Variants in SPEG observed in about 807,000 individuals in gnomAD.
SPEG encodes the protein striated muscle preferentially expressed protein kinase.
A neutral mutation model predicts 300.4 loss-of-function variants in SPEG; 114 were observed. The ratio of observed to expected loss-of-function variants is 0.38; its 90% CI spans 0.33 to 0.44. The LOEUF is 0.44. SPEG is among the 20% of genes least tolerant of loss of function. SPEG has a pLI of 1.00. For missense variants in SPEG, 4,201 were observed against 4,586.2 expected, an observed-to-expected ratio of 0.92 and a Z score of 2.43; for synonymous variants, 1,964 against 2,018.9, an observed-to-expected ratio of 0.97 and a Z score of 0.73.
intron 3 of SPEG, among the ~76,000 whole-genome samples, chr2:219,447,570 ATTCCTGAGAACGCCCCTCCCCACCC>A (rs1248568510): frequency 6.6e-6 from 1 of 151,888 alleles, no homozygotes; most frequent in Non-Finnish European, 1.5e-5. Context: ...GGGTGGCTGC[ATTCCTGAGAACGCCCCTCCCCACCC>A]CACCCTCTTG....
Position 219,461,910 on chromosome 2 carries a change from C to T in SPEG, c.2469C>T (p.Pro823=), listed in dbSNP as rs1389028816. ...GGTCTACATCCCCTTTCAGCAGCCCCATCACCTCCGACGAGGAATACCTGA... is the reference window on the plus strand; with the variant it reads ...GGTCTACATCCCCTTTCAGCAGCCCTATCACCTCCGACGAGGAATACCTGA... ...PGGSTSPFSS[P]ITSDEEYLSP... Residue 823 remains proline, a synonymous_variant, in exon 7 of 41, where the codon CCC becomes CCT. Transcript: ENST00000312358. 2.5e-6 allele frequency: 4 copies of T among 1,613,868 alleles called. No individual in the cohort carries two copies. The highest frequency in any genetic ancestry group is 3.3e-5 in the Admixed American group (2 of 59,982).
At position 219,489,557 on chromosome 2, in the gene SPEG, C is replaced by G. The variant is rs1322832121; in HGVS notation, c.8539C>G (p.Arg2847Gly). The change falls in exon 36 of 41, where the codon CGA (arginine) becomes GGA (glycine). Residue 2847 changes from arginine to glycine, a missense_variant. This residue lies in a region of SPEG where 1,578 missense variants were observed against 1,506.0 expected (regional missense o/e 1.05). Transcript: ENST00000312358. Reference protein sequence around the residue: ...AVGPPPQTPPRRHRGLQAARP... With the variant: ...AVGPPPQTPPGRHRGLQAARP... Reference sequence around the variant, plus strand: ...GGGTCCACCACCCCAAACCCCTCCACGAAGACACAGGGGCCTGCAGGCTGC... The same window carrying G: ...GGGTCCACCACCCCAAACCCCTCCAGGAAGACACAGGGGCCTGCAGGCTGC... 2 of 1,613,594 alleles carry G rather than the reference C, an allele frequency of 1.2e-6. No individual in the cohort carries two copies. Among genetic ancestry groups the G allele is most frequent in the South Asian group, 1.1e-5 (1 of 91,062 alleles).
At chr2:219,465,827 A>G (rs1012894574) in intron 9 of SPEG, 8 of 591,696 alleles carry the variant, frequency 1.4e-5, no homozygotes, top group Admixed American at 1.1e-4. Context: ...GTGCGTGCGC[A>G]TGCGTGCGTG....
intron 9 of SPEG, chr2:219,465,892 TGC>T (rs1691253846): frequency 1.3e-4 from 86 of 639,742 alleles, no homozygotes; most frequent in Middle Eastern, 1.0e-3. Flanking sequence ...TGTGCATGTG[TGC>T]GTATGGGTGT....
At chr2:219,446,218 T>C (rs1689280612) in intron 3 of SPEG, among the ~76,000 whole-genome samples, 1 of 152,140 alleles carries the variant, frequency 6.6e-6, no homozygotes, top group Non-Finnish European at 1.5e-5. Flanking sequence ...CCTTACCCGG[T>C]GTTCCTGTGC....
At position 219,464,451 on chromosome 2, in the gene SPEG, C is replaced by T. The variant is rs375268036; in HGVS notation, c.2724C>T (p.Pro908=). 1.6e-5 allele frequency: 25 copies of T among 1,611,578 alleles called. No homozygotes were observed. The highest frequency in any genetic ancestry group is 2.2e-5 in the East Asian group (1 of 44,886). Residue 908 remains proline, a synonymous_variant, in exon 9 of 41, where the codon CCC becomes CCT. Coordinates refer to ENST00000312358, the MANE Select transcript of SPEG (RefSeq NM_005876.5). This position sits in a 1 kb window ranked among gnomAD's most constrained non-coding sequence, Gnocchi z 4.5. ...PVVSWLRNRQ[P]VRPDQRRFAE... ...CTGACAGGCTGAGAAACCGCCAGCC[C>T]GTGCGCCCAGACCAGCGGCGCTTTG...
intron 6 of SPEG, among the ~76,000 whole-genome samples, chr2:219,457,128 T>C (rs1331493047): frequency 6.6e-6 from 1 of 152,094 alleles, no homozygotes; most frequent in Non-Finnish European, 1.5e-5. Context: ...TTCCCTGACT[T>C]TTCCGCAGTG....
chr2:219,469,462 C>T, intron 13 of SPEG, 83 bp downstream of exon 13: 1 of 1,145,068 alleles, frequency 8.7e-7, no homozygotes, highest in Non-Finnish European at 1.3e-6. Context: ...CCCAGCTCTC[C>T]CCAGGCCTTT....
chr2:219,483,213 G>A lies in SPEG; in HGVS notation c.5750G>A (p.Gly1917Glu). The A allele has an allele frequency of 1.2e-6, 2 of 1,610,164 alleles. No individual in the cohort carries two copies. Among genetic ancestry groups the A allele is most frequent in the Non-Finnish European group, 1.7e-6 (2 of 1,179,000 alleles). ...CCCAGAAGGCCACCCCCCAGTGGGG[G>A]GCTCTCATCCTCCTCGGATTCTGAA... is the stretch of plus-strand genomic sequence containing the variant. ...TMPRRPPPSG[G>E]LSSSSDSEEE... Residue 1917 changes from glycine to glutamate, a missense_variant, in exon 30 of 41, where the codon GGG becomes GAG. By Grantham distance (98) the Gly-to-Glu change is moderately conservative. Around this residue, in one of 4 missense-constraint regions of SPEG, gnomAD observed 1,578 missense variants for 1,506.0 expected, o/e 1.05. Coordinates refer to ENST00000312358, the MANE Select transcript of SPEG (RefSeq NM_005876.5).
intron 6 of SPEG, among the ~76,000 whole-genome samples, chr2:219,454,032 G>A (rs977283357): frequency 6.6e-6 from 1 of 152,152 alleles, no homozygotes; most frequent in African/African-American, 2.4e-5. Flanking sequence ...AGAGGCCTGC[G>A]TGCAGCCACC....
intron 39 of SPEG, 121 bp downstream of exon 39, chr2:219,491,990 A>C: frequency 7.4e-7 from 1 of 1,348,642 alleles, no homozygotes; most frequent in Non-Finnish European, 1.0e-6. Context: ...CACACTGCAC[A>C]CTCACACTCA....
At chr2:219,487,495 A>G (rs1693548797) in intron 31 of SPEG, among the ~76,000 whole-genome samples, 1 of 152,252 alleles carries the variant, frequency 6.6e-6, no homozygotes, top group African/African-American at 2.4e-5. Flanking sequence ...TTTACAGATT[A>G]GAAATGGAGC....
chr2:219,434,991 G>A lies in SPEG; in HGVS notation c.14G>A (p.Arg5Gln), dbSNP rs576016632. MQKARGTRGEDAGTR... is the reference protein window; with the variant it reads MQKAQGTRGEDAGTR... ...CTCTCAGTGGCCATGCAGAAAGCCC[G>A]GGGCACGCGAGGCGAGGATGCGGGC... Residue 5 changes from arginine to glutamine, a missense_variant, in exon 1 of 41, where the codon CGG becomes CAG. By Grantham distance (43) the Arg-to-Gln change is conservative. Around this residue, in one of 4 missense-constraint regions of SPEG, gnomAD observed 1,258 missense variants for 1,293.9 expected, o/e 0.97. Transcript: ENST00000312358. The A allele has an allele frequency of 1.5e-5, 23 of 1,505,862 alleles. No individual in the cohort carries two copies. The Admixed American group carries it at 1.9e-4, about 12-fold the overall frequency. The allele number at this position is 1,505,862 out of a possible 1,614,324, so 93.3% of individuals were successfully genotyped here.
Position 219,484,291 on chromosome 2 carries a change from T to C in SPEG, c.6828T>C (p.Ala2276=), listed in dbSNP as rs979705053. 33 of 1,607,050 alleles carry C rather than the reference T, an allele frequency of 2.1e-5. No homozygotes were observed. Among genetic ancestry groups the C allele is most frequent in the Non-Finnish European group, 2.6e-5 (31 of 1,179,352 alleles). Residue 2276 remains alanine (A), a synonymous_variant, in exon 30 of 41, where the codon GCT becomes GCC. Coordinates refer to ENST00000312358, the MANE Select transcript of SPEG (RefSeq NM_005876.5). ...CGCCTTCAGAGCCCAAGCCCCACGC[T>C]GCTGTCTTTGCCAGGGTGGCCTCCC... is the stretch of plus-strand genomic sequence containing the variant. ...AAPPSEPKPH[A]AVFARVASPP... is the part of the protein sequence containing the mutation.
chr2:219,438,909 G>A (rs766812492), intron 1 of SPEG, among the ~76,000 whole-genome samples: 23 of 152,212 alleles, frequency 1.5e-4, no homozygotes, highest in Non-Finnish European at 2.6e-4. Context: ...CTGTGTTGAG[G>A]AATATTCTGC....
In SPEG at chr2:219,492,921, T is replaced by C. The variant is rs1345760996; in HGVS notation, c.*135T>C. 12 of 943,364 alleles carry C rather than the reference T, an allele frequency of 1.3e-5. No individual in the cohort carries two copies. Among genetic ancestry groups the C allele is most frequent in the Non-Finnish European group, 1.8e-5 (11 of 607,064 alleles). 58.4% of individuals were successfully genotyped at this position (943,364 alleles called of 1,614,324 possible). The stretch of plus-strand genomic sequence containing the variant: ...CAGCAGCAACATCTGGCTGGGCTCT[T>C]ACCTCATAGACCTTCAAGGACAGAG... On this transcript the variant is annotated 3_prime_UTR_variant, in exon 41 of 41. Coordinates refer to ENST00000312358, the MANE Select transcript of SPEG (RefSeq NM_005876.5).
Position 219,484,482 on chromosome 2 carries a change from G to A in SPEG, c.7019G>A (p.Ser2340Asn), listed in dbSNP as rs1693189497. The A allele has an allele frequency of 1.2e-6, 2 of 1,608,786 alleles. No homozygotes were observed. Among genetic ancestry groups the A allele is most frequent in the Non-Finnish European group, 8.5e-7 (1 of 1,179,044 alleles). The change falls in exon 30 of 41, where the codon AGC (serine) becomes AAC (asparagine). Residue 2340 changes from serine to asparagine, a missense_variant. By Grantham distance (46) the Ser-to-Asn change is conservative (BLOSUM62 1). Around this residue, in one of 4 missense-constraint regions of SPEG, gnomAD observed 1,578 missense variants for 1,506.0 expected, o/e 1.05. Coordinates refer to ENST00000312358, the MANE Select transcript of SPEG (RefSeq NM_005876.5). ...GTGTTCGAGGCCAAGTTCAAGCGCA[G>A]CCGCGAGTCGCCCCTGTCGCTGGGG... Reference protein sequence around the residue: ...EAVFEAKFKRSRESPLSLGLR... With the variant: ...EAVFEAKFKRNRESPLSLGLR...
intron 6 of SPEG, chr2:219,461,497 CCCTGCTTTTGGAG>C (rs1238930845): frequency 9.2e-7 from 1 of 1,083,534 alleles, no homozygotes; most frequent in African/African-American, 1.7e-5. Flanking sequence ...GACCTGCTTC[CCCTGCTTTTGGAG>C]CCTGCAGTTG....
Position 219,477,558 on chromosome 2 carries a change from G to T in SPEG, c.4729+113G>T. On this transcript the variant is annotated intron_variant, in intron 20 of 40. Coordinates refer to ENST00000312358, the MANE Select transcript of SPEG (RefSeq NM_005876.5). The surrounding 1 kb of genome is among the most constrained non-coding windows in gnomAD (Gnocchi z 6.4). ...CTGGACTCGAGCCACCACACCCCCA[G>T]CCCAGCACCCCGCCTTGAGCCCCCA... is the stretch of plus-strand genomic sequence containing the variant. The T allele has an allele frequency of 7.3e-7, 1 of 1,375,106 alleles. No individual in the cohort carries two copies. Among genetic ancestry groups the T allele is most frequent in the South Asian group, 1.4e-5 (1 of 69,454 alleles). The allele number at this position is 1,375,106 out of a possible 1,614,324, so 85.2% of individuals were successfully genotyped here.
Sources: allele counts gnomAD v4.1 joint callset (sites outside exome capture counted in the v4.1 genomes callset), GRCh38; gene constraint gnomAD v4.1.1; regional missense constraint gnomAD v4.1.1; non-coding constraint Gnocchi (gnomAD v3.1); transcripts MANE v1.5; gene names NCBI Gene and HGNC (gene_info 2026-07-23, HGNC 2026-07-21).